Variants in B4GALNT3 observed in about 807,000 individuals in gnomAD.
The protein encoded by B4GALNT3 is beta-1,4-N-acetyl-galactosaminyltransferase 3.
B4GALNT3 carries 86 observed loss-of-function variants against 120.2 expected under a neutral mutation model. The observed-to-expected ratio is 0.72, with a 90% confidence interval of 0.60 to 0.86. B4GALNT3 has a LOEUF of 0.86. Ranked by LOEUF, B4GALNT3 falls within the 40% of genes least tolerant of loss-of-function variation. The pLI is 0.00. For synonymous variants in B4GALNT3, 518 were observed against 510.4 expected, an observed-to-expected ratio of 1.01 and a Z score of -0.20; for missense variants, 1,167 against 1,298.9, an observed-to-expected ratio of 0.90 and a Z score of 1.56.
intron 1 of B4GALNT3, among the ~76,000 whole-genome samples, chr12:518,881 A>G (rs1181883216): frequency 6.6e-6 from 1 of 152,088 alleles, no homozygotes; most frequent in Non-Finnish European, 1.5e-5. Flanking sequence ...GGTTGAATCC[A>G]CGGATATGAA....
chr12:543,361 G>GGGAT, intron 3 of B4GALNT3, among the ~76,000 whole-genome samples: 4 of 151,540 alleles, frequency 2.6e-5, no homozygotes, highest in Non-Finnish European at 1.5e-5. Flanking sequence ...CTGAGGAGCT[G>GGGAT]GGGCAGGCAT....
At chr12:525,511 T>C (rs1946752582) in intron 1 of B4GALNT3, among the ~76,000 whole-genome samples, 1 of 152,218 alleles carries the variant, frequency 6.6e-6, no homozygotes, top group Non-Finnish European at 1.5e-5. Flanking sequence ...CACTCCTGAC[T>C]GTATTCTTCT....
intron 17 of B4GALNT3, 149 bp from the exon 18 acceptor site, chr12:558,359 A>T: frequency 1.2e-6 from 1 of 801,738 alleles, no homozygotes; most frequent in Non-Finnish European, 2.0e-6. Flanking sequence ...TCCAATGTTC[A>T]GCACTGTGGA....
intron 1 of B4GALNT3, among the ~76,000 whole-genome samples, chr12:507,045 ATTG>A (rs1278137796): frequency 6.6e-6 from 1 of 152,212 alleles, no homozygotes. Flanking sequence ...TTCCTCTATT[ATTG>A]GCATCTTGCA....
intron 1 of B4GALNT3, among the ~76,000 whole-genome samples, chr12:513,163 C>CCTT (rs1565599185): frequency 6.6e-6 from 1 of 151,560 alleles, no homozygotes; most frequent in African/African-American, 2.4e-5. Flanking sequence ...CCACCTTCCA[C>CCTT]CTTCCACCTT....
At chr12:545,264 A>G (rs1592051636) in intron 5 of B4GALNT3, 105 bp from the exon 6 acceptor site, 2 of 1,495,050 alleles carry the variant, frequency 1.3e-6, no homozygotes, top group Non-Finnish European at 1.8e-6. Flanking sequence ...AAGCCACAGC[A>G]TCAAGCACTG....
intron 1 of B4GALNT3, among the ~76,000 whole-genome samples, chr12:492,121 G>A (rs1946347104): frequency 6.6e-6 from 1 of 151,028 alleles, no homozygotes; most frequent in Non-Finnish European, 1.5e-5. Context: ...TATACTGGAA[G>A]TCCTATCTAA....
At position 550,189 on chromosome 12, in the gene B4GALNT3, C is replaced by G. The variant is rs548178996; in HGVS notation, c.997+277C>G. Among the ~76,000 whole-genome samples, 14 of 152,348 alleles carry G rather than the reference C, an allele frequency of 9.2e-5. No individual in the cohort carries two copies. Among genetic ancestry groups the G allele is most frequent in the African/African-American group, 3.4e-4 (14 of 41,574 alleles). On this transcript the variant is annotated intron_variant, in intron 10 of 19. Coordinates refer to ENST00000266383, the MANE Select transcript of B4GALNT3 (RefSeq NM_173593.4). This position sits in a 1 kb window ranked among gnomAD's most constrained non-coding sequence, Gnocchi z 4.1. ...AAATAGAGTTAGAACCCGGAAGTCC[C>G]CCACACATCCCTTCCCAATCTCACA...
At chr12:544,844 C>T (rs1263572611) in intron 4 of B4GALNT3, 38 bp from the exon 5 acceptor site, 2 of 1,601,712 alleles carry the variant, frequency 1.2e-6, no homozygotes, top group Non-Finnish European at 1.7e-6. Context: ...CCTTTTCCCT[C>T]TTCTGGGTAA....
chr12:540,584 C>G (rs1465601641), intron 3 of B4GALNT3: 1 of 152,116 alleles, frequency 6.6e-6, no homozygotes, highest in Admixed American at 6.6e-5. Context: ...AACAGCATGA[C>G]GATTTTGGCA....
intron 1 of B4GALNT3, among the ~76,000 whole-genome samples, chr12:474,764 A>C (rs1040047828): frequency 3.3e-5 from 5 of 152,060 alleles, no homozygotes; most frequent in African/African-American, 1.2e-4. Context: ...GTTCAAGATC[A>C]GCTTGGGCAA....
chr12:550,879 G>C lies in B4GALNT3; in HGVS notation c.998-43G>C. ...GGCAGAGGACTTCAGCCCCAGTTTC[G>C]TGCTCACCCTCACCCTCACTCCTCC... On this transcript the variant is annotated intron_variant, in intron 10 of 19. Transcript: ENST00000266383. This position sits in a 1 kb window ranked among gnomAD's most constrained non-coding sequence, Gnocchi z 4.1. 1 of 1,496,100 alleles carries C rather than the reference G, an allele frequency of 6.7e-7. No homozygotes were observed. Among genetic ancestry groups the C allele is most frequent in the Non-Finnish European group, 9.3e-7 (1 of 1,076,462 alleles). The allele number at this position is 1,496,100 out of a possible 1,614,324, so 92.7% of individuals were successfully genotyped here.
chr12:463,845 G>A (rs1946050298), intron 1 of B4GALNT3, among the ~76,000 whole-genome samples: 1 of 152,236 alleles, frequency 6.6e-6, no homozygotes, highest in Admixed American at 6.6e-5. Flanking sequence ...TGGTGAAACA[G>A]AGGGTATAAG....
chr12:552,152 C>G lies in B4GALNT3; in HGVS notation c.1197C>G (p.Tyr399Ter), dbSNP rs1211721907. The G allele has an allele frequency of 1.9e-6, 3 of 1,608,156 alleles. No individual in the cohort carries two copies. The East Asian group carries it at 6.7e-5, about 36-fold the overall frequency. ...AATGTTTCTACCAGGAAAACGCCTA[C>G]TACCAAGACCGGTGAGAGACACTGA... Reference protein sequence around the residue: ...HNKCFYQENAYYQDRFSFQEY... With the variant: ...HNKCFYQENA Residue 399 changes from tyrosine (Y) to a stop codon, truncating the protein, a stop_gained, in exon 12 of 20, where the codon TAC becomes TAG. Transcript: ENST00000266383. LOFTEE classifies it high-confidence loss of function.
chr12:476,642 G>C (rs1349946720), intron 1 of B4GALNT3, among the ~76,000 whole-genome samples: 1 of 152,184 alleles, frequency 6.6e-6, no homozygotes, highest in African/African-American at 2.4e-5. Context: ...TGAGCGCCTA[G>C]TATGTGCCCA....
intron 3 of B4GALNT3, chr12:543,025 G>T: frequency 5.8e-6 from 6 of 1,035,344 alleles, no homozygotes; most frequent in South Asian, 2.8e-5. Flanking sequence ...AACCCCAGCC[G>T]GCTCCTCCTA....
In B4GALNT3 at chr12:550,906, C is replaced by T. The variant is rs71447496; in HGVS notation, c.998-16C>T. The T allele has an allele frequency of 1.3e-6, 2 of 1,589,842 alleles. No individual in the cohort carries two copies. The highest frequency in any genetic ancestry group is 2.2e-5 in the East Asian group (1 of 44,774). On this transcript the variant is annotated splice_polypyrimidine_tract_variant and intron_variant, in intron 10 of 19. Coordinates refer to ENST00000266383, the MANE Select transcript of B4GALNT3 (RefSeq NM_173593.4). The surrounding 1 kb of genome is among the most constrained non-coding windows in gnomAD (Gnocchi z 4.1). Reference sequence around the variant, plus strand: ...GCTCACCCTCACCCTCACTCCTCCTCCTCCACTGTCCTCAGTGCCTCTGAT... The same window carrying T: ...GCTCACCCTCACCCTCACTCCTCCTTCTCCACTGTCCTCAGTGCCTCTGAT...
intron 14 of B4GALNT3, among the ~76,000 whole-genome samples, chr12:556,024 C>A (rs1193324136): frequency 1.3e-5 from 2 of 152,066 alleles, no homozygotes; most frequent in South Asian, 2.1e-4. Flanking sequence ...ACCTTGTGAT[C>A]CACCTGCCTT....
At chr12:542,413 T>G (rs963529951) in intron 3 of B4GALNT3, among the ~76,000 whole-genome samples, 1 of 152,188 alleles carries the variant, frequency 6.6e-6, no homozygotes, top group Non-Finnish European at 1.5e-5. Flanking sequence ...GTGCCACTTC[T>G]TCTTATCTGG....
Sources: gnomAD v4.1 joint callset for allele counts (sites outside exome capture counted in the v4.1 genomes callset) on GRCh38, gnomAD v4.1.1 for gene constraint, Gnocchi (gnomAD v3.1) non-coding constraint, MANE v1.5 for transcripts, NCBI Gene and HGNC (gene_info 2026-07-23, HGNC 2026-07-21) for gene names.